COL22A1: variants seen among roughly 807,000 people sequenced by gnomAD.
COL22A1 encodes collagen type XXII alpha 1 chain.
Under a neutral mutation model 248.9 loss-of-function variants are expected in COL22A1, and 221 were observed. That is an observed-to-expected ratio of 0.89 (90% CI 0.80 to 0.99). COL22A1 has a LOEUF of 0.99. Ranked by LOEUF, COL22A1 falls within the 50% of genes least tolerant of loss-of-function variation. The pLI is 0.00. For synonymous variants in COL22A1, 891 were observed against 793.4 expected, an observed-to-expected ratio of 1.12 and a Z score of -2.07; for missense variants, 2,240 against 2,179.0, an observed-to-expected ratio of 1.03 and a Z score of -0.56.
chr8:138,614,713 A>G (rs1284746127), intron 55 of COL22A1, among the ~76,000 whole-genome samples: 1 of 150,694 alleles, frequency 6.6e-6, no homozygotes, highest in Non-Finnish European at 1.5e-5. Context: ...GCTTCTGAGA[A>G]GCCCCTTTTT....
At chr8:138,624,375 G>T (rs770800185) in intron 51 of COL22A1, among the ~76,000 whole-genome samples, 51 of 152,254 alleles carry the variant, frequency 3.3e-4, no homozygotes, top group Non-Finnish European at 5.3e-4. Context: ...TTCACAAGGT[G>T]CCAGGGAAGT....
chr8:138,634,516 C>T (rs541015058), intron 49 of COL22A1, among the ~76,000 whole-genome samples: 1 of 152,178 alleles, frequency 6.6e-6, no homozygotes, highest in South Asian at 2.1e-4. Flanking sequence ...ACACTGAAGG[C>T]AGAGGGAAAT....
intron 56 of COL22A1, among the ~76,000 whole-genome samples, chr8:138,613,177 G>A (rs1175790320): frequency 6.6e-6 from 1 of 151,612 alleles, no homozygotes; most frequent in African/African-American, 2.4e-5. Context: ...GAACCTGGGA[G>A]GTGGAGCTTG....
At chr8:138,646,098 AC>A (rs1822183182) in intron 47 of COL22A1, among the ~76,000 whole-genome samples, 1 of 151,698 alleles carries the variant, frequency 6.6e-6, no homozygotes, top group South Asian at 2.1e-4. Flanking sequence ...TTCAGATTAT[AC>A]CCCCCTTTCT....
At chr8:138,895,650 T>G (rs954955518) in intron 1 of COL22A1, among the ~76,000 whole-genome samples, 1 of 152,034 alleles carries the variant, frequency 6.6e-6, no homozygotes, top group Non-Finnish European at 1.5e-5. Context: ...GAAAAAAAAG[T>G]GAGCAGAGCC....
Position 138,774,141 on chromosome 8 carries a change from CG to C in COL22A1, c.1803+1824del, listed in dbSNP as rs151288959. ...ATGTGAAAGCTCTCGGAAGAGGTAA[CG>C]GTAAGGGTTTTGCTTATTAAAGTTA... On this transcript the variant is annotated intron_variant, in intron 16 of 64. Transcript: ENST00000303045. Among the ~76,000 whole-genome samples, 33 of 151,936 alleles carry C rather than the reference CG, an allele frequency of 2.2e-4. 1 individual carries two copies. In the East Asian group the frequency reaches 6.4e-3, roughly 29 times the overall value.
chr8:138,859,235 A>G (rs557969589), intron 3 of COL22A1, among the ~76,000 whole-genome samples: 2 of 152,280 alleles, frequency 1.3e-5, no homozygotes, highest in East Asian at 3.9e-4. Flanking sequence ...CGTGACCCCA[A>G]AATCAGTGCC....
At chr8:138,813,278 C>T (rs1818391824) in intron 7 of COL22A1, among the ~76,000 whole-genome samples, 1 of 132,418 alleles carries the variant, frequency 7.6e-6, no homozygotes, top group African/African-American at 2.8e-5. Flanking sequence ...CCCATAATTC[C>T]CATGTGTTTC....
At position 138,700,279 on chromosome 8, in the gene COL22A1, A is replaced by T. The variant is rs903732853; in HGVS notation, c.2560-135T>A. On this transcript the variant is annotated intron_variant, in intron 31 of 64. Coordinates refer to ENST00000303045, the MANE Select transcript of COL22A1 (RefSeq NM_152888.3). Reference sequence around the variant, plus strand: ...CTTCCTGGAACGATTATTAGTTTTGACAATTAGATTCACATCTTTCTTTAA... The same window carrying T: ...CTTCCTGGAACGATTATTAGTTTTGTCAATTAGATTCACATCTTTCTTTAA... The T allele has an allele frequency of 5.1e-6, 4 of 778,732 alleles. No homozygotes were observed. In the African/African-American group the frequency reaches 5.2e-5, roughly 10 times the overall value. The allele number at this position is 778,732 out of a possible 1,614,324, so 48.2% of individuals were successfully genotyped here. A position where few individuals can be genotyped will look rare whatever the true frequency, so the allele number is the denominator to read the frequency against.
intron 8 of COL22A1, among the ~76,000 whole-genome samples, chr8:138,812,499 A>G (rs1280549856): frequency 6.6e-6 from 1 of 152,130 alleles, no homozygotes; most frequent in Non-Finnish European, 1.5e-5. Context: ...GAGGTCCGAG[A>G]ACAGAGCAGA....
At chr8:138,704,646 G>A (rs1230185341) in intron 30 of COL22A1, among the ~76,000 whole-genome samples, 2 of 152,006 alleles carry the variant, frequency 1.3e-5, no homozygotes, top group Non-Finnish European at 2.9e-5. Context: ...AAAGACCAAA[G>A]GTAGATAAAA....
At chr8:138,849,154 T>C (rs1389630790) in intron 3 of COL22A1, among the ~76,000 whole-genome samples, 1 of 152,180 alleles carries the variant, frequency 6.6e-6, no homozygotes, top group Non-Finnish European at 1.5e-5. Flanking sequence ...CCAAGGATCA[T>C]GTTCATAAGG....
intron 60 of COL22A1, among the ~76,000 whole-genome samples, chr8:138,600,112 G>A (rs1466415747): frequency 6.6e-6 from 1 of 152,218 alleles, no homozygotes; most frequent in African/African-American, 2.4e-5. Context: ...ACCCAGAGCT[G>A]GAAGTGCGGG....
At chr8:138,897,031 A>C (rs879436064) in intron 1 of COL22A1, among the ~76,000 whole-genome samples, 2 of 152,120 alleles carry the variant, frequency 1.3e-5, no homozygotes, top group African/African-American at 4.8e-5. Flanking sequence ...AGGTAACCTC[A>C]TTCCATAACC....
At chr8:138,589,829 G>A (rs796674965) in intron 64 of COL22A1, among the ~76,000 whole-genome samples, 20 of 152,220 alleles carry the variant, frequency 1.3e-4, no homozygotes, top group African/African-American at 3.4e-4. Flanking sequence ...ACCAAGTCCT[G>A]ATCATTAACC....
chr8:138,597,656 T>C (rs1010953070), intron 61 of COL22A1, among the ~76,000 whole-genome samples: 1 of 152,250 alleles, frequency 6.6e-6, no homozygotes, highest in African/African-American at 2.4e-5. Context: ...GGGCACTGTC[T>C]ACCCCTCAAG....
At chr8:138,733,294 G>T (rs1830847980) in intron 23 of COL22A1, among the ~76,000 whole-genome samples, 1 of 152,206 alleles carries the variant, frequency 6.6e-6, no homozygotes, top group Non-Finnish European at 1.5e-5. Flanking sequence ...CATCATGGAT[G>T]TATAGATTTA....
At chr8:138,677,087 A>G (rs1320991544) in intron 40 of COL22A1, among the ~76,000 whole-genome samples, 1 of 152,218 alleles carries the variant, frequency 6.6e-6, no homozygotes, top group East Asian at 1.9e-4. Context: ...CATTTTGCAC[A>G]TCATCCTTCT....
intron 3 of COL22A1, among the ~76,000 whole-genome samples, chr8:138,850,680 A>G (rs1307294746): frequency 6.6e-6 from 1 of 152,140 alleles, no homozygotes; most frequent in Admixed American, 6.6e-5. Context: ...CCAAAAAAGG[A>G]CAAGACCAGG....
Sources: gnomAD v4.1 joint callset for allele counts (sites outside exome capture counted in the v4.1 genomes callset) on GRCh38, gnomAD v4.1.1 for gene constraint, MANE v1.5 for transcripts, NCBI Gene and HGNC (gene_info 2026-07-23, HGNC 2026-07-21) for gene names.